UBE2G1: variants seen among roughly 807,000 people sequenced by gnomAD.
The protein encoded by UBE2G1 is ubiquitin-conjugating enzyme E2 G1.
UBE2G1 carries 5 observed loss-of-function variants against 22.7 expected under a neutral mutation model. The ratio of observed to expected loss-of-function variants is 0.22; its 90% CI spans 0.12 to 0.46. The LOEUF is 0.46. UBE2G1 is among the 20% of genes least tolerant of loss of function. The probability of loss-of-function intolerance (pLI) is 0.99; values close to 1 mark genes in which losing one functional copy is unlikely to be tolerated. For synonymous variants in UBE2G1, 74 were observed against 67.5 expected, an observed-to-expected ratio of 1.10 and a Z score of -0.47; for missense variants, 88 against 203.9, an observed-to-expected ratio of 0.43 and a Z score of 3.46.
intron 1 of UBE2G1, among the ~76,000 whole-genome samples, chr17:4,349,939 T>C (rs1046215674): frequency 1.2e-4 from 19 of 152,106 alleles, no homozygotes; most frequent in African/African-American, 4.6e-4. Flanking sequence ...TTCAAAGGCC[T>C]GTTACTTATA....
intron 1 of UBE2G1, among the ~76,000 whole-genome samples, chr17:4,321,775 C>A (rs985985533): frequency 6.6e-6 from 1 of 152,074 alleles, no homozygotes; most frequent in Non-Finnish European, 1.5e-5. Context: ...GTGAACCCAG[C>A]CAATTTGCCC....
chr17:4,296,469 G>T (rs549317859), intron 3 of UBE2G1, among the ~76,000 whole-genome samples: 2 of 152,172 alleles, frequency 1.3e-5, no homozygotes, highest in African/African-American at 4.8e-5. Context: ...CACCATGTTT[G>T]CCAGGCTGGT....
chr17:4,345,868 G>A (rs2143806523), intron 1 of UBE2G1: 1 of 152,180 alleles, frequency 6.6e-6, no homozygotes, highest in South Asian at 2.1e-4. Context: ...AGAAGGCGGA[G>A]GAAGAACAAC....
chr17:4,279,762 G>A lies in UBE2G1; in HGVS notation c.*37+3036C>T, dbSNP rs190491939. On this transcript the variant is annotated intron_variant, in intron 5 of 5. Coordinates refer to ENST00000396981, the MANE Select transcript of UBE2G1 (RefSeq NM_003342.5). ...TGCAATCCAGCCCGAGCGACACAGC[G>A]AAACTCTGCCCCCAAAAAAAAGTTA... is the stretch of plus-strand genomic sequence containing the variant. Among the ~76,000 whole-genome samples, 130 of 114,794 alleles carry A rather than the reference G, an allele frequency of 1.1e-3. No individual in the cohort carries two copies. In the East Asian group the frequency reaches 0.018, roughly 16 times the overall value. The allele number at this position is 114,794 out of a possible 152,430, so 75.3% of individuals were successfully genotyped here. A position where few individuals can be genotyped will look rare whatever the true frequency, so the allele number is the denominator to read the frequency against.
At chr17:4,275,600 A>G (rs1968812158) in intron 5 of UBE2G1, among the ~76,000 whole-genome samples, 1 of 152,204 alleles carries the variant, frequency 6.6e-6, no homozygotes, top group African/African-American at 2.4e-5. Context: ...AATCTTTTAA[A>G]AAGATCTAAA....
chr17:4,340,100 T>G (rs1262329927), intron 1 of UBE2G1, among the ~76,000 whole-genome samples: 1 of 152,012 alleles, frequency 6.6e-6, no homozygotes, highest in East Asian at 2.0e-4. Flanking sequence ...TTTAACTGTT[T>G]GTAGAGACAG....
intron 1 of UBE2G1, among the ~76,000 whole-genome samples, chr17:4,312,707 A>C (rs956216433): frequency 2.0e-5 from 3 of 151,832 alleles, no homozygotes; most frequent in African/African-American, 7.2e-5. Context: ...AAAAAAAAAA[A>C]AAAAAAAACA....
chr17:4,296,489 T>C lies in UBE2G1; in HGVS notation c.247+228A>G, dbSNP rs1040115866. Among the ~76,000 whole-genome samples, 1 of 152,120 alleles carries C rather than the reference T, an allele frequency of 6.6e-6. No individual in the cohort carries two copies. The highest frequency in any genetic ancestry group is 1.5e-5 in the Non-Finnish European group (1 of 68,010). ...TGTTTGCCAGGCTGGTCTCCAACTC[T>C]TGACCTCAAGTGATCCGCCTGCCTG... On this transcript the variant is annotated intron_variant, in intron 3 of 5. Transcript: ENST00000396981.
intron 3 of UBE2G1, among the ~76,000 whole-genome samples, chr17:4,294,977 A>T (rs1042957361): frequency 6.9e-6 from 1 of 144,222 alleles, no homozygotes; most frequent in Non-Finnish European, 1.5e-5. Flanking sequence ...GGGGAAAAGG[A>T]GGGGCAGAGT....
chr17:4,346,318 T>C (rs1018460228), intron 1 of UBE2G1, among the ~76,000 whole-genome samples: 1 of 152,014 alleles, frequency 6.6e-6, no homozygotes, highest in Non-Finnish European at 1.5e-5. Flanking sequence ...TATCCAGACT[T>C]ATACCGAAAT....
At chr17:4,350,314 AG>A (rs1174941595) in intron 1 of UBE2G1, among the ~76,000 whole-genome samples, 1 of 151,952 alleles carries the variant, frequency 6.6e-6, no homozygotes, top group African/African-American at 2.4e-5. Context: ...TACAAAAATT[AG>A]CTGAGCATGG....
Position 4,271,144 on chromosome 17 carries a change from T to G in UBE2G1, c.*1410A>C, listed in dbSNP as rs1968754362. The G allele has an allele frequency of 6.6e-6, 1 of 152,426 alleles. No homozygotes were observed. The highest frequency in any genetic ancestry group is 2.1e-4 in the South Asian group (1 of 4,828). The allele number at this position is 152,426 out of a possible 1,614,324, so 9.4% of individuals were successfully genotyped here. A position where few individuals can be genotyped will look rare whatever the true frequency, so the allele number is the denominator to read the frequency against. On this transcript the variant is annotated 3_prime_UTR_variant, in exon 6 of 6. Transcript: ENST00000396981. Reference sequence around the variant, plus strand: ...ATTTGCTGAAGTTGTTTTAGAAAACTGTATGATATGAAATATATTGAAGCT... The same window carrying G: ...ATTTGCTGAAGTTGTTTTAGAAAACGGTATGATATGAAATATATTGAAGCT...
chr17:4,290,381 T>A (rs931417576), intron 3 of UBE2G1, among the ~76,000 whole-genome samples: 3 of 152,238 alleles, frequency 2.0e-5, no homozygotes, highest in African/African-American at 7.2e-5. Flanking sequence ...TGTTATGAAC[T>A]CTGGGTAATC....
chr17:4,319,723 GAAAA>G (rs536232143), intron 1 of UBE2G1, among the ~76,000 whole-genome samples: 1 of 137,908 alleles, frequency 7.3e-6, no homozygotes. Context: ...CACCTGTGTC[GAAAA>G]AAAAAAAAGA....
At chr17:4,353,015 G>A (rs1294392929) in intron 1 of UBE2G1, among the ~76,000 whole-genome samples, 2 of 152,050 alleles carry the variant, frequency 1.3e-5, no homozygotes, top group South Asian at 4.2e-4. Context: ...TCAGGAGATC[G>A]AGACCATCCT....
intron 2 of UBE2G1, among the ~76,000 whole-genome samples, chr17:4,305,967 T>TAAA (rs1969244989): frequency 1.3e-5 from 2 of 152,256 alleles, no homozygotes; most frequent in Non-Finnish European, 2.9e-5. Context: ...TTTTAAACTC[T>TAAA]ATTTCTCTTC....
At chr17:4,365,750 C>G (rs1290589843) in intron 1 of UBE2G1, among the ~76,000 whole-genome samples, 1 of 152,192 alleles carries the variant, frequency 6.6e-6, no homozygotes, top group Non-Finnish European at 1.5e-5. Flanking sequence ...GTTGTCGGCC[C>G]CAACTCCGCG....
chr17:4,330,064 C>T (rs11870158), intron 1 of UBE2G1, among the ~76,000 whole-genome samples: 51,700 of 151,650 alleles, frequency 0.34, 9,003 homozygotes, highest in Middle Eastern at 0.4. Context: ...AAGTTTTACA[C>T]GTATGACGTA....
intron 4 of UBE2G1, among the ~76,000 whole-genome samples, chr17:4,285,539 C>A (rs1476829247): frequency 6.6e-6 from 1 of 152,060 alleles, no homozygotes; most frequent in African/African-American, 2.4e-5. Context: ...AGGAAGAAAT[C>A]AACCAAGAAG....
Sources: allele counts gnomAD v4.1 joint callset (sites outside exome capture counted in the v4.1 genomes callset), GRCh38; gene constraint gnomAD v4.1.1; transcripts MANE v1.5; gene names NCBI Gene and HGNC (gene_info 2026-07-23, HGNC 2026-07-21).